Variants in DPH6 observed in about 807,000 individuals in gnomAD.
DPH6 encodes diphthine--ammonia ligase.
A neutral mutation model predicts 38.2 loss-of-function variants in DPH6; 33 were observed. The ratio of observed to expected loss-of-function variants is 0.86; its 90% CI spans 0.65 to 1.15. DPH6 has a LOEUF of 1.15. Among genes scored for constraint, DPH6 ranks in the 50% most tolerant of loss-of-function variants. The probability of loss-of-function intolerance (pLI) is 0.00; values close to 1 mark genes in which losing one functional copy is unlikely to be tolerated. For synonymous variants in DPH6, 108 were observed against 103.0 expected (o/e 1.05, Z -0.30); for missense variants, 325 against 320.0 (o/e 1.02, Z -0.12).
chr15:35,520,243 A>AAAT, intron 3 of DPH6: 1 of 866,142 alleles, frequency 1.2e-6, no homozygotes, highest in Non-Finnish European at 1.4e-6. Context: ...AAAAAAAACA[A>AAAT]AAGAAGAAGA....
intron 3 of DPH6, among the ~76,000 whole-genome samples, chr15:35,526,868 C>A (rs1350659709): frequency 6.6e-6 from 1 of 152,124 alleles, no homozygotes; most frequent in Admixed American, 6.5e-5. Flanking sequence ...TTTGAAATGG[C>A]CCATGCCTCA....
At chr15:35,334,515 C>G (rs1237090016) in intron 3 of DPH6, among the ~76,000 whole-genome samples, 1 of 151,872 alleles carries the variant, frequency 6.6e-6, no homozygotes, top group Non-Finnish European at 1.5e-5. Context: ...GTATTAAGTG[C>G]AGCATCCATT....
intron 3 of DPH6, among the ~76,000 whole-genome samples, chr15:35,356,105 A>G (rs944454787): frequency 1.3e-5 from 2 of 152,158 alleles, no homozygotes; most frequent in Non-Finnish European, 2.9e-5. Context: ...TTCGTCACAT[A>G]GTTCTCGTGC....
At chr15:35,203,899 CATTA>C in the DPH6 span, among the ~76,000 whole-genome samples, 4 of 151,592 alleles carry the variant, frequency 2.6e-5, no homozygotes, top group African/African-American at 9.7e-5. Context: ...TCTACTTTTT[CATTA>C]ATTGTCAGGC....
At chr15:35,279,523 T>C (rs962379779) in intron 3 of DPH6, among the ~76,000 whole-genome samples, 1 of 152,268 alleles carries the variant, frequency 6.6e-6, no homozygotes, top group African/African-American at 2.4e-5. Flanking sequence ...ATTAATAGCT[T>C]GGTGCTGTCC....
intron 3 of DPH6, among the ~76,000 whole-genome samples, chr15:35,527,876 A>C (rs1343079676): frequency 6.6e-6 from 1 of 151,904 alleles, no homozygotes; most frequent in African/African-American, 2.4e-5. Flanking sequence ...AATGTGATTA[A>C]ATCTACACTT....
At chr15:35,414,845 C>G (rs2053416212) in intron 5 of DPH6, among the ~76,000 whole-genome samples, 1 of 151,416 alleles carries the variant, frequency 6.6e-6, no homozygotes, top group Admixed American at 6.6e-5. Flanking sequence ...AATTGGTTTT[C>G]ACATCACTCT....
At chr15:35,435,453 C>G (rs1015458021) in intron 5 of DPH6, among the ~76,000 whole-genome samples, 1 of 152,166 alleles carries the variant, frequency 6.6e-6, no homozygotes, top group Non-Finnish European at 1.5e-5. Flanking sequence ...CCTGGGCATG[C>G]CTGCAACAGA....
downstream of DPH6, among the ~76,000 whole-genome samples, chr15:35,213,980 C>T (rs1274852406): frequency 7.2e-5 from 11 of 152,104 alleles, no homozygotes; most frequent in South Asian, 2.1e-4. Flanking sequence ...GACGTGGTGG[C>T]GGGCGCCTGT....
At chr15:35,511,972 G>A (rs2054780654) in intron 3 of DPH6, among the ~76,000 whole-genome samples, 1 of 151,946 alleles carries the variant, frequency 6.6e-6, no homozygotes, top group South Asian at 2.1e-4. Flanking sequence ...GTTTTGTTTT[G>A]TTTTTAATGC....
chr15:35,148,847 G>C, the DPH6 span, among the ~76,000 whole-genome samples: 5 of 151,972 alleles, frequency 3.3e-5, no homozygotes, highest in Admixed American at 6.6e-5. Flanking sequence ...ATTAAAAAAG[G>C]GCACAGAAAT....
chr15:35,371,478 G>C lies in DPH6; in HGVS notation c.*672C>G, dbSNP rs1467749649. 1.5e-6 allele frequency: 1 copy of C among 689,278 alleles called. No homozygotes were observed. The highest frequency in any genetic ancestry group is 1.8e-6 in the Non-Finnish European group (1 of 560,246). The allele number at this position is 689,278 out of a possible 1,614,324, so 42.7% of individuals were successfully genotyped here. ...GGTAGAGGGTATATGGGAAATCTCT[G>C]CATTTTCTGCTCCATTTTTGCTGTG... On this transcript the variant is annotated 3_prime_UTR_variant, in exon 9 of 9. Transcript: ENST00000256538.
intron 6 of DPH6, among the ~76,000 whole-genome samples, chr15:35,388,651 G>A (rs1185777479): frequency 6.6e-6 from 1 of 152,184 alleles, no homozygotes; most frequent in Non-Finnish European, 1.5e-5. Flanking sequence ...AGTATTCTCT[G>A]ATGGTAGTTT....
the DPH6 span, among the ~76,000 whole-genome samples, chr15:35,210,647 A>G: frequency 6.6e-6 from 1 of 152,192 alleles, no homozygotes; most frequent in Non-Finnish European, 1.5e-5. Context: ...AGTTCTGAGT[A>G]TATGTGATTA....
At chr15:35,406,767 C>A (rs2053299191) in intron 6 of DPH6, among the ~76,000 whole-genome samples, 1 of 152,022 alleles carries the variant, frequency 6.6e-6, no homozygotes, top group East Asian at 1.9e-4. Flanking sequence ...ATGCTTAGTT[C>A]TGCTGTTGAG....
chr15:35,174,586 G>A, the DPH6 span, among the ~76,000 whole-genome samples: 1 of 152,222 alleles, frequency 6.6e-6, no homozygotes, highest in African/African-American at 2.4e-5. Context: ...GTTACTTTGA[G>A]AGAAATGTTT....
At chr15:35,420,027 A>C (rs903949302) in intron 5 of DPH6, among the ~76,000 whole-genome samples, 1 of 152,206 alleles carries the variant, frequency 6.6e-6, no homozygotes, top group Admixed American at 6.5e-5. Flanking sequence ...AGGAGAGATC[A>C]TATGTTTGGC....
At chr15:35,464,245 G>T (rs1184886924) in intron 3 of DPH6, among the ~76,000 whole-genome samples, 4 of 150,426 alleles carry the variant, frequency 2.7e-5, no homozygotes, top group Non-Finnish European at 5.9e-5. Flanking sequence ...AGTGAGCCGA[G>T]ATCGTGCTAC....
rs1403638354 is a variant in DPH6, at chr15:35,299,510, C to T, written n.200+74011G>A. The T allele has an allele frequency of 1.2e-5, 8 of 679,028 alleles. No homozygotes were observed. In the African/African-American group the frequency reaches 1.4e-4, roughly 12 times the overall value. 42.1% of individuals were successfully genotyped at this position (679,028 alleles called of 1,614,324 possible). On this transcript the variant is annotated intron_variant and non_coding_transcript_variant, in intron 3 of 3. Coordinates refer to the DPH6 transcript ENST00000560386. ...GGGCCGCGGTGGCGGCAGCGCGGAG[C>T]CGGGGAGGCAGGAGCCAACGGCGGC...
Sources: allele counts gnomAD v4.1 joint callset (sites outside exome capture counted in the v4.1 genomes callset), GRCh38; gene constraint gnomAD v4.1.1; transcripts MANE v1.5; gene names NCBI Gene and HGNC (gene_info 2026-07-23, HGNC 2026-07-21).